The following JAKMIP3 variants were observed in gnomAD, a reference collection of about 807,000 sequenced individuals.
JAKMIP3 encodes Janus kinase and microtubule interacting protein 3, also known as janus kinase and microtubule-interacting protein 3.
JAKMIP3 carries 58 observed loss-of-function variants against 118.5 expected under a neutral mutation model. The observed-to-expected ratio is 0.49, with a 90% confidence interval of 0.40 to 0.61. JAKMIP3 has a LOEUF of 0.61. Among genes scored for constraint, JAKMIP3 ranks in the 20% least tolerant of loss-of-function variants. The probability of loss-of-function intolerance (pLI) is 0.00; values close to 1 mark genes in which losing one functional copy is unlikely to be tolerated. For missense variants in JAKMIP3, 950 were observed against 1,109.0 expected (o/e 0.86, Z 2.04); for synonymous variants, 486 against 451.2 (o/e 1.08, Z -0.98).
chr10:132,071,235 C>T (rs902681554), intron 1 of JAKMIP3, among the ~76,000 whole-genome samples: 8 of 150,048 alleles, frequency 5.3e-5, no homozygotes, highest in South Asian at 2.1e-4. Context: ...CTTTCTATTA[C>T]GTATTTCTCG....
intron 23 of JAKMIP3, among the ~76,000 whole-genome samples, chr10:132,174,828 G>A (rs1316110026): frequency 6.6e-6 from 1 of 152,086 alleles, no homozygotes; most frequent in East Asian, 1.9e-4. Flanking sequence ...CATCTTATTT[G>A]GGGTTTCATT....
Position 132,173,950 on chromosome 10 carries a change from TGTCTGTGGTG to T in JAKMIP3, c.*1103+4928_*1103+4937del, listed in dbSNP as rs1410490265. 4.5e-3 allele frequency among the ~76,000 whole-genome samples: 626 copies of T among 139,634 alleles called. 8 individuals carry two copies. The highest frequency in any genetic ancestry group is 0.016 in the African/African-American group (582 of 36,282). The allele number at this position is 139,634 out of a possible 152,430, so 91.6% of individuals were successfully genotyped here. A position where few individuals can be genotyped will look rare whatever the true frequency, so the allele number is the denominator to read the frequency against. Reference sequence around the variant, plus strand: ...TGTTCATGGTGGTGTGTGTGTGGTGTGTCTGTGGTGGTCTGTGGTGTGTCTCTGGTGGTCT... The same window carrying T: ...TGTTCATGGTGGTGTGTGTGTGGTGTGTCTGTGGTGTGTCTCTGGTGGTCT... On this transcript the variant is annotated intron_variant, in intron 23 of 23. Transcript: ENST00000684848.
intron 23 of JAKMIP3, among the ~76,000 whole-genome samples, chr10:132,174,287 T>G (rs980612288): frequency 1.3e-5 from 2 of 152,214 alleles, no homozygotes; most frequent in South Asian, 4.1e-4. Flanking sequence ...CTCTTCCACA[T>G]CAGGTAAATA....
chr10:132,044,318 TG>T lies in JAKMIP3; in HGVS notation c.-138+7583del. Among the ~76,000 whole-genome samples, 1 of 152,354 alleles carries T rather than the reference TG, an allele frequency of 6.6e-6. No homozygotes were observed. Among genetic ancestry groups the T allele is most frequent in the East Asian group, 1.9e-4 (1 of 5,188 alleles). Reference sequence around the variant, plus strand: ...CAACACAGACACAGTCCCTGCCTGCTGGGAGTGGCCAGTGGCTGAGACAGAC... The same window carrying T: ...CAACACAGACACAGTCCCTGCCTGCTGGAGTGGCCAGTGGCTGAGACAGAC... On this transcript the variant is annotated intron_variant, in intron 1 of 23. Coordinates refer to the JAKMIP3 transcript ENST00000657785. This position sits in a 1 kb window ranked among gnomAD's most constrained non-coding sequence, Gnocchi z 5.3.
rs1166238298 is a variant in JAKMIP3, at chr10:132,133,385, C to G, written c.707C>G (p.Ala236Gly). The G allele has an allele frequency of 6.2e-7, 1 of 1,602,648 alleles. No homozygotes were observed. The highest frequency in any genetic ancestry group is 1.7e-5 in the Admixed American group (1 of 58,416). Residue 236 changes from alanine (A) to glycine (G), a missense_variant, in exon 4 of 24, where the codon GCT (alanine) becomes GGT (glycine). Coordinates refer to ENST00000684848, the MANE Select transcript of JAKMIP3 (RefSeq NM_001323087.2). ...GAGTTAGGGGTTCAAGCCGGGCATGCTCAGAGACTGCAGCTCCAAAAAGAG... is the reference window on the plus strand; with the variant it reads ...GAGTTAGGGGTTCAAGCCGGGCATGGTCAGAGACTGCAGCTCCAAAAAGAG... ...ERELGVQAGH[A>G]QRLQLQKEAL...
intron 3 of JAKMIP3, among the ~76,000 whole-genome samples, chr10:132,125,257 G>A (rs1245016855): frequency 6.7e-6 from 1 of 149,330 alleles, no homozygotes; most frequent in Non-Finnish European, 1.5e-5. Flanking sequence ...AGTGGTTTGG[G>A]ATGGATTGAG....
intron 1 of JAKMIP3, among the ~76,000 whole-genome samples, chr10:132,040,037 A>G (rs1300033840): frequency 6.6e-6 from 1 of 152,238 alleles, no homozygotes; most frequent in African/African-American, 2.4e-5. Flanking sequence ...TGACTGCTGT[A>G]AGTCATTAGG....
chr10:132,136,895 G>A (rs2051899065), intron 6 of JAKMIP3, 124 bp from the exon 7 acceptor site: 1 of 1,066,584 alleles, frequency 9.4e-7, no homozygotes, highest in Non-Finnish European at 1.3e-6. Flanking sequence ...CTGAGCAGAG[G>A]CCGCCAGCCG....
chr10:132,046,765 G>A (rs2133788784), intron 1 of JAKMIP3, among the ~76,000 whole-genome samples: 1 of 152,304 alleles, frequency 6.6e-6, no homozygotes, highest in East Asian at 1.9e-4. Flanking sequence ...CAACCTAAGA[G>A]GAAGAAGCTG....
Position 132,153,756 on chromosome 10 carries a change from C to T in JAKMIP3, c.2074-3C>T, listed in dbSNP as rs531830537. 6 of 1,613,022 alleles carry T rather than the reference C, an allele frequency of 3.7e-6. No homozygotes were observed. Among genetic ancestry groups the T allele is most frequent in the East Asian group, 2.2e-5 (1 of 44,874 alleles). On this transcript the variant is annotated splice_region_variant and splice_polypyrimidine_tract_variant and intron_variant, in intron 17 of 23. Transcript: ENST00000684848. Reference sequence around the variant, plus strand: ...CTGTCCTGCTTGTTCTGTTTGTGTCCAGTGGCTCCAGCAGATTGAGGAGAC... The same window carrying T: ...CTGTCCTGCTTGTTCTGTTTGTGTCTAGTGGCTCCAGCAGATTGAGGAGAC...
intron 19 of JAKMIP3, among the ~76,000 whole-genome samples, chr10:132,159,644 G>T (rs1204792147): frequency 8.3e-5 from 7 of 83,850 alleles, no homozygotes; most frequent in African/African-American, 3.0e-4. Context: ...TGATGCTGGG[G>T]GGCCTCTCCC....
intron 3 of JAKMIP3, among the ~76,000 whole-genome samples, chr10:132,120,185 A>G (rs2048323426): frequency 1.3e-5 from 2 of 152,178 alleles, no homozygotes; most frequent in Non-Finnish European, 2.9e-5. Flanking sequence ...GAATCCATAG[A>G]TTTGGGACAT....
intron 1 of JAKMIP3, among the ~76,000 whole-genome samples, chr10:132,099,342 C>A (rs990364423): frequency 1.3e-5 from 2 of 152,192 alleles, no homozygotes; most frequent in African/African-American, 4.8e-5. Context: ...ACGACTTTAC[C>A]AGAGGTCAAC....
intron 23 of JAKMIP3, among the ~76,000 whole-genome samples, chr10:132,178,728 C>G (rs116348569): frequency 0.033 from 5,000 of 152,266 alleles, 284 homozygotes; most frequent in African/African-American, 0.11. Context: ...AGGTCCCGAG[C>G]CTTCCAGTGG....
At chr10:132,180,778 T>TGTGCGC (rs1565022540) in intron 23 of JAKMIP3, among the ~76,000 whole-genome samples, 1 of 46,366 alleles carries the variant, frequency 2.2e-5, no homozygotes, top group Admixed American at 2.3e-4. Context: ...TGCGTGTGTG[T>TGTGCGC]GTGTGCGCGT....
intron 23 of JAKMIP3, among the ~76,000 whole-genome samples, chr10:132,173,017 CT>C (rs1565005237): frequency 4.7e-5 from 1 of 21,098 alleles, no homozygotes; most frequent in African/African-American, 1.5e-4. Flanking sequence ...CTCTCTCTCC[CT>C]CTCTCTCTCC....
intron 23 of JAKMIP3, among the ~76,000 whole-genome samples, chr10:132,174,754 C>T (rs1013265253): frequency 5.3e-5 from 8 of 152,180 alleles, no homozygotes; most frequent in East Asian, 1.9e-4. Flanking sequence ...TTGCCCCACA[C>T]GCAACGTCTT....
chr10:132,166,929 C>T, intron 21 of JAKMIP3, 54 bp from the exon 22 acceptor site: 1 of 1,302,490 alleles, frequency 7.7e-7, no homozygotes. Flanking sequence ...GCACTACAAA[C>T]TCTTTTTTCT....
At chr10:132,056,797 C>T (rs546939520) in intron 1 of JAKMIP3, among the ~76,000 whole-genome samples, 2 of 152,316 alleles carry the variant, frequency 1.3e-5, no homozygotes, top group East Asian at 1.9e-4. Context: ...CCAGGGGCAT[C>T]GCCACCCACA....
Sources: gnomAD v4.1 joint callset for allele counts (sites outside exome capture counted in the v4.1 genomes callset) on GRCh38, gnomAD v4.1.1 for gene constraint, Gnocchi (gnomAD v3.1) non-coding constraint, MANE v1.5 for transcripts, NCBI Gene and HGNC (gene_info 2026-07-23, HGNC 2026-07-21) for gene names.